Variants in PCDHGA1 observed in about 807,000 individuals in gnomAD.
PCDHGA1 encodes the protein protocadherin gamma-A1.
Under a neutral mutation model 58.0 loss-of-function variants are expected in PCDHGA1, and 32 were observed. The observed-to-expected ratio is 0.55, with a 90% confidence interval of 0.42 to 0.74. The LOEUF (loss-of-function observed/expected upper bound fraction) is 0.74, where lower values mean the gene tolerates loss of function less well. PCDHGA1 is among the 30% of genes least tolerant of loss of function. The pLI, the probability that PCDHGA1 is intolerant of heterozygous loss-of-function variation, is 0.00. For synonymous variants in PCDHGA1, 498 were observed against 501.1 expected (o/e 0.99, Z 0.08); for missense variants, 1,205 against 1,182.3 (o/e 1.02, Z -0.28).
rs996170329 is a variant in PCDHGA1, at chr5:141,357,841, A to G, written c.2421+24736A>G. On this transcript the variant is annotated intron_variant, in intron 1 of 3. Transcript: ENST00000517417. ...TCCTTTTTGGTCTTCATTCAGTTGT[A>G]GTTTCAGCCAGAATTTTCTAATTTT... 4 of 626,204 alleles carry G rather than the reference A, an allele frequency of 6.4e-6. No homozygotes were observed. The African/African-American group carries it at 7.4e-5, about 12-fold the overall frequency. The allele number at this position is 626,204 out of a possible 1,614,324, so 38.8% of individuals were successfully genotyped here.
chr5:141,423,605 T>G lies in PCDHGA1; in HGVS notation c.2422-71202T>G. The G allele has an allele frequency of 1.6e-5, 26 of 1,612,620 alleles. No individual in the cohort carries two copies. Among genetic ancestry groups the G allele is most frequent in the Non-Finnish European group, 2.0e-5 (24 of 1,179,120 alleles). On this transcript the variant is annotated intron_variant, in intron 1 of 3. Transcript: ENST00000517417. Reference sequence around the variant, plus strand: ...AGCTGTGAGAAAAGCGAGCCACTCTTGATAGCTGAAGACTCAGCTATCATT... The same window carrying G: ...AGCTGTGAGAAAAGCGAGCCACTCTGGATAGCTGAAGACTCAGCTATCATT...
rs1562106021 is a variant in PCDHGA1 at position 141,485,561 on chromosome 5, G to T, written c.2422-9246G>T. 6.2e-7 allele frequency: 1 copy of T among 1,613,008 alleles called. No individual in the cohort carries two copies. Among genetic ancestry groups the T allele is most frequent in the Non-Finnish European group, 8.5e-7 (1 of 1,179,122 alleles). ...AGAGATCGTAGATGTGAATGATCAC[G>T]CCCCCCGTTTTCCGCGGCAGCAGCT... On this transcript the variant is annotated intron_variant, in intron 1 of 3. Coordinates refer to ENST00000517417, the MANE Select transcript of PCDHGA1 (RefSeq NM_018912.3). The surrounding 1 kb of genome is among the most constrained non-coding windows in gnomAD (Gnocchi z 5.7).
At chr5:141,505,353 G>A (rs376781305) in intron 2 of PCDHGA1, 40 bp from the exon 3 acceptor site, 51 of 1,613,426 alleles carry the variant, frequency 3.2e-5, no homozygotes, top group East Asian at 2.7e-4. Flanking sequence ...GAGCTGTGCC[G>A]GCCTGGGAGT....
rs756294828 is a variant in PCDHGA1, at chr5:141,417,904, G to A, written c.2422-76903G>A. 2.5e-6 allele frequency: 4 copies of A among 1,591,934 alleles called. No homozygotes were observed. The South Asian group carries it at 3.4e-5, about 13-fold the overall frequency. On this transcript the variant is annotated intron_variant, in intron 1 of 3. Transcript: ENST00000517417. Reference sequence around the variant, plus strand: ...AGAGGCGCCGGGCCGGCCCGCGGCAGGTACTATTTCCTTTGCTGCTGCCTT... The same window carrying A: ...AGAGGCGCCGGGCCGGCCCGCGGCAAGTACTATTTCCTTTGCTGCTGCCTT...
rs756330109 is a variant in PCDHGA1, at chr5:141,432,621, T to A, written c.2422-62186T>A. ...GAGCCGGGACTCTTCTCGGTGGGTC[T>A]GCACACGGGCGAGGTGCGCACGGCG... On this transcript the variant is annotated intron_variant, in intron 1 of 3. Transcript: ENST00000517417. This position sits in a 1 kb window ranked among gnomAD's most constrained non-coding sequence, Gnocchi z 6.0. The A allele has an allele frequency of 3.1e-6, 5 of 1,612,942 alleles. No homozygotes were observed. Among genetic ancestry groups the A allele is most frequent in the Admixed American group, 1.7e-5 (1 of 59,962 alleles).
At chr5:141,337,465 A>T (rs1756683495) in intron 1 of PCDHGA1, among the ~76,000 whole-genome samples, 1 of 152,250 alleles carries the variant, frequency 6.6e-6, no homozygotes, top group African/African-American at 2.4e-5. Flanking sequence ...ATTCTGTTAC[A>T]TGCTACAATA....
chr5:141,384,818 A>G, intron 1 of PCDHGA1: 1 of 1,613,488 alleles, frequency 6.2e-7, no homozygotes, highest in East Asian at 2.2e-5. Context: ...GCCCTCAAGC[A>G]GAGCCTCGTG....
chr5:141,387,840 C>T, intron 1 of PCDHGA1: 2 of 1,597,864 alleles, frequency 1.3e-6, no homozygotes, highest in Non-Finnish European at 1.7e-6. Context: ...TTATTTGTAA[C>T]CCGGCGTCTC....
intron 1 of PCDHGA1, chr5:141,398,743 A>G: frequency 6.2e-7 from 1 of 1,613,864 alleles, no homozygotes; most frequent in Non-Finnish European, 8.5e-7. Flanking sequence ...GGAACAACAG[A>G]GTTACCATCG....
At chr5:141,391,258 T>C (rs1419386522) in intron 1 of PCDHGA1, 3 of 152,182 alleles carry the variant, frequency 2.0e-5, no homozygotes, top group African/African-American at 7.2e-5. Context: ...ACTGCTTCAG[T>C]TAATGGCCAC....
rs2099668037 is a variant in PCDHGA1 at position 141,487,853 on chromosome 5, T to C, written c.2422-6954T>C. The C allele has an allele frequency of 1.0e-6, 1 of 984,708 alleles. No individual in the cohort carries two copies. The allele number at this position is 984,708 out of a possible 1,614,324, so 61.0% of individuals were successfully genotyped here. The stretch of plus-strand genomic sequence containing the variant: ...CCTATATCTGAGTAAGAAATGAAAG[T>C]AATTGGTGATCAAGAGCCAGGCTGT... On this transcript the variant is annotated intron_variant, in intron 1 of 3. Transcript: ENST00000517417. The surrounding 1 kb of genome is among the most constrained non-coding windows in gnomAD (Gnocchi z 5.0).
intron 1 of PCDHGA1, chr5:141,403,951 G>C: frequency 6.2e-7 from 1 of 1,613,882 alleles, no homozygotes. Flanking sequence ...GGACAAAAGT[G>C]CTCATTTCGG....
chr5:141,470,778 C>A (rs1047167697), intron 1 of PCDHGA1, among the ~76,000 whole-genome samples: 1 of 152,132 alleles, frequency 6.6e-6, no homozygotes, highest in African/African-American at 2.4e-5. Context: ...GTCTTGAATT[C>A]CTGGGCTCAA....
At chr5:141,441,368 G>A (rs1215599443) in intron 1 of PCDHGA1, 2 of 152,598 alleles carry the variant, frequency 1.3e-5, no homozygotes, top group African/African-American at 2.4e-5. Flanking sequence ...TGGGGCCGTG[G>A]ACCAGGAACA....
intron 1 of PCDHGA1, chr5:141,422,395 C>T: frequency 1.9e-6 from 3 of 1,596,286 alleles, no homozygotes; most frequent in South Asian, 1.1e-5. Context: ...TATTCCTAAC[C>T]ACCTGCCTTT....
chr5:141,413,446 G>T, intron 1 of PCDHGA1: 4 of 1,614,130 alleles, frequency 2.5e-6, no homozygotes, highest in Non-Finnish European at 3.4e-6. Context: ...CTTGATCACC[G>T]CGGGCAGGAT....
chr5:141,505,589 C>T, intron 3 of PCDHGA1, 108 bp downstream of exon 3: 1 of 1,573,272 alleles, frequency 6.4e-7, no homozygotes, highest in Non-Finnish European at 8.6e-7. Context: ...GTAGTTTCTC[C>T]AGATCTTTCG....
At chr5:141,440,093 GA>G (rs2098151022) in intron 1 of PCDHGA1, 1 of 152,302 alleles carries the variant, frequency 6.6e-6, no homozygotes, top group Non-Finnish European at 1.5e-5. Context: ...TCTAAGTGGG[GA>G]AAGTGGAGAC....
At chr5:141,473,738 C>T (rs755682627) in intron 1 of PCDHGA1, among the ~76,000 whole-genome samples, 2 of 152,310 alleles carry the variant, frequency 1.3e-5, no homozygotes, top group Non-Finnish European at 2.9e-5. Flanking sequence ...AGGGAGAAGA[C>T]ATGAGAACTT....
Sources: gnomAD v4.1 joint callset for allele counts (sites outside exome capture counted in the v4.1 genomes callset) on GRCh38, gnomAD v4.1.1 for gene constraint, Gnocchi (gnomAD v3.1) non-coding constraint, MANE v1.5 for transcripts, NCBI Gene and HGNC (gene_info 2026-07-23, HGNC 2026-07-21) for gene names.